The following RASEF variants were observed in gnomAD, a reference collection of about 807,000 sequenced individuals.
RASEF encodes the protein ras and EF-hand domain-containing protein.
A neutral mutation model predicts 90.1 loss-of-function variants in RASEF; 68 were observed. The ratio of observed to expected loss-of-function variants is 0.75; its 90% CI spans 0.62 to 0.92. RASEF has a LOEUF of 0.92. Ranked by LOEUF, RASEF falls within the 40% of genes least tolerant of loss-of-function variation. The probability of loss-of-function intolerance (pLI) is 0.00; values close to 1 mark genes in which losing one functional copy is unlikely to be tolerated. For missense variants in RASEF, 949 were observed against 937.2 expected, an observed-to-expected ratio of 1.01 and a Z score of -0.16; for synonymous variants, 331 against 345.2, an observed-to-expected ratio of 0.96 and a Z score of 0.46.
At chr9:83,132,057 G>C in the RASEF span, among the ~76,000 whole-genome samples, 1 of 152,160 alleles carries the variant, frequency 6.6e-6, no homozygotes, top group South Asian at 2.1e-4. Context: ...TGTTCTTCTA[G>C]AACTTTACTA....
chr9:83,171,591 A>T, the RASEF span, among the ~76,000 whole-genome samples: 1 of 151,582 alleles, frequency 6.6e-6, no homozygotes. Context: ...AATTTTTATT[A>T]CTGTTTCTTT....
At chr9:83,042,835 T>C (rs996541606) in intron 1 of RASEF, among the ~76,000 whole-genome samples, 3 of 152,148 alleles carry the variant, frequency 2.0e-5, no homozygotes, top group African/African-American at 7.2e-5. Flanking sequence ...ATGTATCTGA[T>C]AATTTGTTTT....
the RASEF span, among the ~76,000 whole-genome samples, chr9:83,085,800 C>T: frequency 6.6e-6 from 1 of 152,052 alleles, no homozygotes; most frequent in South Asian, 2.1e-4. Context: ...TGGCATGCAC[C>T]TGTAGTCCCA....
chr9:83,198,725 T>G, the RASEF span, among the ~76,000 whole-genome samples: 2 of 152,104 alleles, frequency 1.3e-5, no homozygotes, highest in Admixed American at 6.6e-5. Context: ...CAGAGCAGAC[T>G]GCAGTCCCTG....
rs1564078140 is a variant in RASEF, at chr9:83,015,894, G to GT, written c.675dup (p.Arg226ThrfsTer4). The GT allele has an allele frequency of 1.2e-6, 2 of 1,611,686 alleles. No individual in the cohort carries two copies. Among genetic ancestry groups the GT allele is most frequent in the African/African-American group, 1.3e-5 (1 of 74,764 alleles). ...TCACTGAGGGCTTCCTCAGCTTTGC[G>GT]TTTTTCCTAAAAGAAAAAAAAATAT... On this transcript the variant is annotated frameshift_variant, in exon 4 of 17. Coordinates refer to ENST00000376447, the MANE Select transcript of RASEF (RefSeq NM_152573.4). LOFTEE classifies it high-confidence loss of function.
chr9:83,170,274 C>T, the RASEF span, among the ~76,000 whole-genome samples: 1 of 151,982 alleles, frequency 6.6e-6, no homozygotes, highest in Non-Finnish European at 1.5e-5. Flanking sequence ...TATTCTGTTG[C>T]ATTGGTCTAT....
intron 4 of RASEF, 72 bp from the exon 5 acceptor site, chr9:83,012,583 C>G (rs1306147929): frequency 6.5e-6 from 5 of 766,242 alleles, no homozygotes; most frequent in Non-Finnish European, 8.1e-6. Context: ...TAGGACTATC[C>G]TTGAATATAC....
chr9:83,079,089 G>A, the RASEF span, among the ~76,000 whole-genome samples: 542 of 152,188 alleles, frequency 3.6e-3, 4 homozygotes, highest in African/African-American at 0.012. Flanking sequence ...TGCTTTTGTC[G>A]CGATTGCTTT....
the RASEF span, among the ~76,000 whole-genome samples, chr9:83,210,444 G>C: frequency 1.3e-5 from 2 of 152,216 alleles, no homozygotes; most frequent in Non-Finnish European, 2.9e-5. Context: ...TTCAAGGTCA[G>C]CCTGGTTGAG....
chr9:83,025,663 AG>A, intron 2 of RASEF, 111 bp downstream of exon 2: 1 of 1,084,908 alleles, frequency 9.2e-7, no homozygotes, highest in South Asian at 1.7e-5. Context: ...CCTCAGGCTC[AG>A]GAAGTCCACC....
the RASEF span, among the ~76,000 whole-genome samples, chr9:83,174,654 G>C: frequency 1.8e-3 from 267 of 152,202 alleles, no homozygotes; most frequent in African/African-American, 6.1e-3. Flanking sequence ...GTGAATTTAA[G>C]TATCAGCTTG....
chr9:82,995,292 A>C (rs1828894711), intron 14 of RASEF, among the ~76,000 whole-genome samples: 1 of 152,176 alleles, frequency 6.6e-6, no homozygotes, highest in Non-Finnish European at 1.5e-5. Context: ...CTAATCCAAA[A>C]TGTCAACAAT....
At position 83,062,824 on chromosome 9, in the gene RASEF, G is replaced by A. The variant is rs758902115; in HGVS notation, c.44C>T (p.Ser15Leu). 6 of 1,551,538 alleles carry A rather than the reference G, an allele frequency of 3.9e-6. No individual in the cohort carries two copies. The highest frequency in any genetic ancestry group is 5.2e-6 in the Non-Finnish European group (6 of 1,159,766). The change falls in exon 1 of 17, where the codon TCA becomes TTA. Residue 15 changes from serine to leucine, a missense_variant. Physicochemically the swap from Ser to Leu is moderately radical, Grantham distance 145. Coordinates refer to ENST00000376447, the MANE Select transcript of RASEF (RefSeq NM_152573.4). ...GDGEELARLR[S>L]VFAACDANRS... The stretch of plus-strand genomic sequence containing the variant: ...GTTCGCGTCGCAGGCGGCGAAGACT[G>A]AGCGCAGCCGGGCCAGCTCCTCTCC...
At chr9:83,208,687 A>G in the RASEF span, among the ~76,000 whole-genome samples, 1 of 152,128 alleles carries the variant, frequency 6.6e-6, no homozygotes, top group East Asian at 1.9e-4. Flanking sequence ...CTTGCCGCCC[A>G]CAAGACCGAT....
At chr9:83,199,760 G>C in the RASEF span, among the ~76,000 whole-genome samples, 4 of 152,220 alleles carry the variant, frequency 2.6e-5, no homozygotes, top group Non-Finnish European at 4.4e-5. Context: ...GTGAGACAGA[G>C]GCCAAGGACA....
chr9:83,127,965 G>A, the RASEF span, among the ~76,000 whole-genome samples: 1 of 151,244 alleles, frequency 6.6e-6, no homozygotes, highest in Non-Finnish European at 1.5e-5. Flanking sequence ...TAAAGCTCAA[G>A]AAATAGAGCC....
chr9:83,129,322 G>A, the RASEF span, among the ~76,000 whole-genome samples: 2 of 151,596 alleles, frequency 1.3e-5, no homozygotes, highest in Non-Finnish European at 2.9e-5. Context: ...CAGGAGAATG[G>A]CATGAGCCCG....
chr9:83,165,610 A>G, the RASEF span, among the ~76,000 whole-genome samples: 49 of 152,246 alleles, frequency 3.2e-4, no homozygotes, highest in African/African-American at 1.2e-3. Flanking sequence ...AGAGGAGGAA[A>G]TTAAAGCCAA....
chr9:83,147,902 C>G, the RASEF span, among the ~76,000 whole-genome samples: 1 of 152,024 alleles, frequency 6.6e-6, no homozygotes, highest in Admixed American at 6.6e-5. Context: ...CGACCATCCC[C>G]AGCCAAATTC....
Sources: gnomAD v4.1 joint callset for allele counts (sites outside exome capture counted in the v4.1 genomes callset) on GRCh38, gnomAD v4.1.1 for gene constraint, MANE v1.5 for transcripts, NCBI Gene and HGNC (gene_info 2026-07-23, HGNC 2026-07-21) for gene names.